The following FAM174B variants were observed in gnomAD, a reference collection of about 807,000 sequenced individuals.
FAM174B encodes membrane protein FAM174B.
FAM174B carries 12 observed loss-of-function variants against 10.9 expected under a neutral mutation model. That is an observed-to-expected ratio of 1.10 (90% CI 0.71 to 1.79). The LOEUF (loss-of-function observed/expected upper bound fraction) is 1.79. FAM174B is among the 40% of genes most tolerant of loss of function. FAM174B has a pLI of 0.00. For missense variants in FAM174B, 266 were observed against 233.3 expected, an observed-to-expected ratio of 1.14 and a Z score of -0.91; for synonymous variants, 132 against 115.8, an observed-to-expected ratio of 1.14 and a Z score of -0.90.
In FAM174B at chr15:92,618,561, T is replaced by C. The variant is rs1177972992; in HGVS notation, c.*895A>G. ...TTCCAGCCAGCCAAATCACCGTTCA[T>C]TTTTAAAATGGTTTTTAAAAATTAC... On this transcript the variant is annotated 3_prime_UTR_variant, in exon 3 of 3. Coordinates refer to ENST00000327355, the MANE Select transcript of FAM174B (RefSeq NM_207446.3). 1 of 152,742 alleles carries C rather than the reference T, an allele frequency of 6.5e-6. No individual in the cohort carries two copies. Among genetic ancestry groups the C allele is most frequent in the Non-Finnish European group, 1.5e-5 (1 of 68,100 alleles). 9.5% of individuals were successfully genotyped at this position (152,742 alleles called of 1,614,324 possible). A position where few individuals can be genotyped will look rare whatever the true frequency, so the allele number is the denominator to read the frequency against.
chr15:92,645,362 G>T (rs971403840), intron 1 of FAM174B, among the ~76,000 whole-genome samples: 2 of 152,214 alleles, frequency 1.3e-5, no homozygotes, highest in African/African-American at 4.8e-5. Flanking sequence ...GCTTCATAGA[G>T]GATCATCCAG....
chr15:92,650,092 G>A (rs1415983410), intron 1 of FAM174B, among the ~76,000 whole-genome samples: 1 of 151,978 alleles, frequency 6.6e-6, no homozygotes. Flanking sequence ...AATAAGCAAT[G>A]ACAAAAAAAT....
intron 2 of FAM174B, chr15:92,619,670 T>TC (rs914435907): frequency 1.7e-6 from 1 of 601,998 alleles, no homozygotes; most frequent in Non-Finnish European, 3.0e-6. Flanking sequence ...TAAGGATCCC[T>TC]CCCCCAGCTC....
intron 2 of FAM174B, among the ~76,000 whole-genome samples, chr15:92,622,238 G>A (rs1375634089): frequency 2.6e-5 from 4 of 152,232 alleles, no homozygotes; most frequent in African/African-American, 9.6e-5. Flanking sequence ...ACATCCGTGT[G>A]CTTAAGAAAC....
chr15:92,652,278 C>T (rs2050971509), intron 1 of FAM174B, among the ~76,000 whole-genome samples: 1 of 152,120 alleles, frequency 6.6e-6, no homozygotes, highest in African/African-American at 2.4e-5. Context: ...ACAGAGGGGC[C>T]CTAGCTGCAG....
intron 1 of FAM174B, among the ~76,000 whole-genome samples, chr15:92,641,008 A>T (rs1596300966): frequency 6.6e-6 from 1 of 152,172 alleles, no homozygotes; most frequent in South Asian, 2.1e-4. Context: ...AAAAACCAAT[A>T]AAAAAGATCA....
Position 92,618,919 on chromosome 15 carries a change from A to T in FAM174B, c.*537T>A, listed in dbSNP as rs1371200810. On this transcript the variant is annotated 3_prime_UTR_variant, in exon 3 of 3. Transcript: ENST00000327355. ...GAAGGGGCTGACCAGCTCTAAGCAC[A>T]TCCACCTTGAACTCTGACACAGGTA... is the stretch of plus-strand genomic sequence containing the variant. 2 of 495,842 alleles carry T rather than the reference A, an allele frequency of 4.0e-6. No homozygotes were observed. The highest frequency in any genetic ancestry group is 7.2e-6 in the Non-Finnish European group (2 of 276,930). 30.7% of individuals were successfully genotyped at this position (495,842 alleles called of 1,614,324 possible). A position where few individuals can be genotyped will look rare whatever the true frequency, so the allele number is the denominator to read the frequency against.
At chr15:92,653,732 C>T (rs1179627306) in intron 1 of FAM174B, among the ~76,000 whole-genome samples, 2 of 152,220 alleles carry the variant, frequency 1.3e-5, no homozygotes, top group Non-Finnish European at 2.9e-5. Context: ...GGGAGCTGGG[C>T]CTTGGTGGCT....
At chr15:92,632,847 A>T (rs956121508) in intron 1 of FAM174B, among the ~76,000 whole-genome samples, 2 of 152,058 alleles carry the variant, frequency 1.3e-5, no homozygotes, top group African/African-American at 4.8e-5. Context: ...TACCTTTAGG[A>T]TGGTAGAGGG....
At chr15:92,621,720 G>A (rs956173688) in intron 2 of FAM174B, among the ~76,000 whole-genome samples, 2 of 152,164 alleles carry the variant, frequency 1.3e-5, no homozygotes, top group Admixed American at 1.3e-4. Flanking sequence ...AGTTGTGCAG[G>A]AGGCTGGCTT....
Position 92,617,749 on chromosome 15 carries a change from G to A in FAM174B, c.*1707C>T, listed in dbSNP as rs952775513. ...GCCTGAGTACACCGTGGAGAGGAGA[G>A]ATAAAGCAGCCACGGCTGTTCTGTT... On this transcript the variant is annotated 3_prime_UTR_variant, in exon 3 of 3. Coordinates refer to ENST00000327355, the MANE Select transcript of FAM174B (RefSeq NM_207446.3). The A allele has an allele frequency of 8.4e-6, 5 of 598,796 alleles. No individual in the cohort carries two copies. Among genetic ancestry groups the A allele is most frequent in the Non-Finnish European group, 1.5e-5 (5 of 337,624 alleles). 37.1% of individuals were successfully genotyped at this position (598,796 alleles called of 1,614,324 possible).
At chr15:92,635,603 CAG>C (rs1274751565) in intron 1 of FAM174B, among the ~76,000 whole-genome samples, 1 of 135,636 alleles carries the variant, frequency 7.4e-6, no homozygotes, top group Non-Finnish European at 1.5e-5. Context: ...TTTTTTGAGA[CAG>C]AGTCTCGCTC....
rs141013600 is a variant in FAM174B, at chr15:92,644,363, G to C, written c.344+10953C>G. On this transcript the variant is annotated intron_variant, in intron 1 of 2. Transcript: ENST00000327355. The stretch of plus-strand genomic sequence containing the variant: ...AAGCCACTGAGAGGCAAACACCGGT[G>C]TGATAGAAATCTCATCTTACTCCAC... Among the ~76,000 whole-genome samples the C allele has an allele frequency of 3.7e-3, 566 of 152,254 alleles. 4 individuals carry two copies. The highest frequency in any genetic ancestry group is 0.013 in the African/African-American group (551 of 41,538).
At chr15:92,621,467 C>G (rs2050718884) in intron 2 of FAM174B, among the ~76,000 whole-genome samples, 1 of 152,068 alleles carries the variant, frequency 6.6e-6, no homozygotes, top group Non-Finnish European at 1.5e-5. Flanking sequence ...CAAAAATTAG[C>G]TGGACATGGT....
intron 1 of FAM174B, among the ~76,000 whole-genome samples, chr15:92,635,776 T>C (rs1376402680): frequency 6.6e-6 from 1 of 152,036 alleles, no homozygotes; most frequent in Non-Finnish European, 1.5e-5. Flanking sequence ...AGATGGGTTT[T>C]CGCTATGTAG....
At chr15:92,619,600 C>G in intron 2 of FAM174B, 141 bp from the exon 3 acceptor site, 1 of 958,016 alleles carries the variant, frequency 1.0e-6, no homozygotes, top group South Asian at 1.7e-5. Context: ...TTTGAGCGTG[C>G]TGTCTGGAAG....
chr15:92,651,812 A>G (rs2050968484), intron 1 of FAM174B, among the ~76,000 whole-genome samples: 2 of 152,276 alleles, frequency 1.3e-5, no homozygotes, highest in African/African-American at 2.4e-5. Context: ...GAAAATGTAC[A>G]TACTTTAAGA....
intron 1 of FAM174B, among the ~76,000 whole-genome samples, chr15:92,633,072 T>C (rs1341312415): frequency 6.6e-6 from 1 of 152,196 alleles, no homozygotes; most frequent in Non-Finnish European, 1.5e-5. Flanking sequence ...CTGATGTCCC[T>C]CCTTTTTCAG....
intron 1 of FAM174B, among the ~76,000 whole-genome samples, chr15:92,640,252 T>C (rs991996459): frequency 3.9e-5 from 6 of 152,112 alleles, no homozygotes; most frequent in African/African-American, 1.4e-4. Flanking sequence ...TAAAAATGTC[T>C]TAAAGTCAAG....
Sources: allele counts gnomAD v4.1 joint callset (sites outside exome capture counted in the v4.1 genomes callset), GRCh38; gene constraint gnomAD v4.1.1; transcripts MANE v1.5; gene names NCBI Gene and HGNC (gene_info 2026-07-23, HGNC 2026-07-21).